RNF216: variants seen among roughly 807,000 people sequenced by gnomAD.
RNF216 encodes the protein ring finger protein 216, also known as E3 ubiquitin-protein ligase RNF216.
In RNF216, 72 loss-of-function variants were observed where a neutral mutation model predicts 110.8. The observed-to-expected ratio is 0.65, with a 90% confidence interval of 0.54 to 0.79. RNF216 has a LOEUF of 0.79. RNF216 is among the 30% of genes least tolerant of loss of function. The pLI is 0.00. For synonymous variants in RNF216, 495 were observed against 407.5 expected (o/e 1.21, Z -2.59); for missense variants, 1,342 against 1,141.2 (o/e 1.18, Z -2.54).
At chr7:5,644,868 A>G (rs1191596723) in intron 14 of RNF216, among the ~76,000 whole-genome samples, 1 of 136,212 alleles carries the variant, frequency 7.3e-6, no homozygotes, top group East Asian at 2.1e-4. Context: ...TCTGTTGCCC[A>G]GGCTGGAGTG....
chr7:5,743,485 C>CA (rs1562453624), intron 3 of RNF216, among the ~76,000 whole-genome samples: 1 of 151,794 alleles, frequency 6.6e-6, no homozygotes, highest in Non-Finnish European at 1.5e-5. Context: ...TGACCCCTAC[C>CA]AAAAAAAGAG....
chr7:5,651,479 G>A (rs548534638), intron 14 of RNF216, among the ~76,000 whole-genome samples: 2 of 152,126 alleles, frequency 1.3e-5, no homozygotes, highest in South Asian at 2.1e-4. Context: ...CGATCTACCT[G>A]CCTTAGCCTC....
intron 15 of RNF216, among the ~76,000 whole-genome samples, chr7:5,637,832 C>T (rs911808035): frequency 1.3e-5 from 2 of 152,228 alleles, no homozygotes; most frequent in Non-Finnish European, 2.9e-5. Flanking sequence ...TGAGCCACTG[C>T]ACCAGGCCAA....
chr7:5,663,069 C>A (rs140462941), intron 13 of RNF216, among the ~76,000 whole-genome samples: 28 of 152,302 alleles, frequency 1.8e-4, no homozygotes, highest in African/African-American at 6.7e-4. Context: ...ATACCAGTGG[C>A]TTGGGAAACC....
At chr7:5,626,500 T>C (rs951963187) in intron 15 of RNF216, among the ~76,000 whole-genome samples, 23 of 151,800 alleles carry the variant, frequency 1.5e-4, no homozygotes, top group African/African-American at 5.6e-4. Flanking sequence ...GAGGATCACT[T>C]GGGCCCAGGA....
intron 13 of RNF216, among the ~76,000 whole-genome samples, chr7:5,671,082 AAC>A (rs1201517451): frequency 6.6e-6 from 1 of 152,240 alleles, no homozygotes; most frequent in Admixed American, 6.5e-5. Flanking sequence ...TGCTCTAAAT[AAC>A]ACAGATGGAC....
At chr7:5,686,787 C>A (rs1230131436) in intron 13 of RNF216, among the ~76,000 whole-genome samples, 3 of 152,162 alleles carry the variant, frequency 2.0e-5, no homozygotes, top group Non-Finnish European at 2.9e-5. Flanking sequence ...TATTTTTCCA[C>A]GGACAGGGCG....
At chr7:5,781,348 G>A (rs1032014805) in intron 1 of RNF216, among the ~76,000 whole-genome samples, 193 bp downstream of exon 1, 8 of 152,094 alleles carry the variant, frequency 5.3e-5, no homozygotes, top group African/African-American at 1.9e-4. Context: ...CACCGCACCG[G>A]GCTCGAGACG....
At chr7:5,638,849 G>C (rs1787561403) in intron 15 of RNF216, among the ~76,000 whole-genome samples, 1 of 152,020 alleles carries the variant, frequency 6.6e-6, no homozygotes, top group South Asian at 2.1e-4. Flanking sequence ...TGCCCAGGCT[G>C]TTCTTAAACT....
intron 8 of RNF216, among the ~76,000 whole-genome samples, chr7:5,722,644 C>T (rs966884335): frequency 1.3e-5 from 2 of 151,952 alleles, no homozygotes; most frequent in Non-Finnish European, 2.9e-5. Context: ...CCTGCCTCGG[C>T]CTCCCAAAGT....
At chr7:5,743,307 T>C (rs1242096361) in intron 3 of RNF216, among the ~76,000 whole-genome samples, 5 of 152,108 alleles carry the variant, frequency 3.3e-5, no homozygotes, top group African/African-American at 1.2e-4. Context: ...ATAAAAAATG[T>C]ATGTCTGTCA....
At position 5,622,850 on chromosome 7, in the gene RNF216, T is replaced by A. The variant is rs1195841424; in HGVS notation, c.*10A>T. 1.3e-6 allele frequency: 2 copies of A among 1,588,390 alleles called. No homozygotes were observed. Among genetic ancestry groups the A allele is most frequent in the Non-Finnish European group, 8.6e-7 (1 of 1,165,044 alleles). On this transcript the variant is annotated 3_prime_UTR_variant, in exon 17 of 17. Transcript: ENST00000389902. ...CGGGCTTTGTGCTGCTCAATGGGGA[T>A]TCGGGGCCATCAGAAGCGATGCCGC...
At chr7:5,758,621 A>G (rs1000864549) in intron 2 of RNF216, among the ~76,000 whole-genome samples, 1 of 152,198 alleles carries the variant, frequency 6.6e-6, no homozygotes, top group Non-Finnish European at 1.5e-5. Flanking sequence ...TGGACCTTTA[A>G]GATTTAATGA....
intron 2 of RNF216, among the ~76,000 whole-genome samples, chr7:5,759,385 T>C (rs995495528): frequency 6.6e-6 from 1 of 152,212 alleles, no homozygotes; most frequent in Non-Finnish European, 1.5e-5. Context: ...GCCTACTCAA[T>C]GTGAGGATGA....
intron 14 of RNF216, among the ~76,000 whole-genome samples, chr7:5,644,118 C>G (rs1259156878): frequency 6.6e-6 from 1 of 151,908 alleles, no homozygotes. Context: ...TGCTTTTTGG[C>G]TGGTGTGAAT....
Position 5,621,228 on chromosome 7 carries a change from G to C in RNF216, c.*1632C>G, listed in dbSNP as rs1319852749. The stretch of plus-strand genomic sequence containing the variant: ...TTGCTTTTGTTGCTCAGGCTGGAGT[G>C]CAGTGGCACAATCTTGGCTCACTGC... On this transcript the variant is annotated 3_prime_UTR_variant, in exon 17 of 17. Coordinates refer to ENST00000389902, the MANE Select transcript of RNF216 (RefSeq NM_207111.4). 1 of 150,322 alleles carries C rather than the reference G, an allele frequency of 6.7e-6. No individual in the cohort carries two copies. Among genetic ancestry groups the C allele is most frequent in the Non-Finnish European group, 1.5e-5 (1 of 67,884 alleles). The allele number at this position is 150,322 out of a possible 1,614,324, so 9.3% of individuals were successfully genotyped here.
chr7:5,681,362 A>T (rs1311283641), intron 13 of RNF216, among the ~76,000 whole-genome samples: 3 of 152,174 alleles, frequency 2.0e-5, no homozygotes, highest in Non-Finnish European at 4.4e-5. Context: ...TGAAAGAGAA[A>T]AGTCATCCTT....
intron 13 of RNF216, among the ~76,000 whole-genome samples, chr7:5,670,193 C>T (rs971125610): frequency 1.3e-5 from 2 of 152,154 alleles, no homozygotes; most frequent in African/African-American, 4.8e-5. Flanking sequence ...CTCGGCCTCC[C>T]AAAGTGCTGG....
At chr7:5,693,879 T>A (rs989644715) in intron 13 of RNF216, among the ~76,000 whole-genome samples, 1 of 152,138 alleles carries the variant, frequency 6.6e-6, no homozygotes, top group Non-Finnish European at 1.5e-5. Flanking sequence ...GAGATGCTAT[T>A]TGCTTAAGAA....
Sources: allele counts gnomAD v4.1 joint callset (sites outside exome capture counted in the v4.1 genomes callset), GRCh38; gene constraint gnomAD v4.1.1; transcripts MANE v1.5; gene names NCBI Gene and HGNC (gene_info 2026-07-23, HGNC 2026-07-21).